The following SNX24 variants were observed in gnomAD, a reference collection of about 807,000 sequenced individuals.
SNX24 encodes sorting nexin 24, also known as sorting nexin-24.
A neutral mutation model predicts 28.7 loss-of-function variants in SNX24; 22 were observed. The observed-to-expected ratio is 0.77, with a 90% CI of 0.55 to 1.10. The LOEUF is 1.10. Among genes scored for constraint, SNX24 ranks in the 50% least tolerant of loss-of-function variants. The pLI, the probability that SNX24 is intolerant of heterozygous loss-of-function variation, is 0.00. For missense variants in SNX24, 221 were observed against 201.1 expected (o/e 1.10, Z -0.60); for synonymous variants, 69 against 71.5 (o/e 0.96, Z 0.18).
rs1762806472 is a variant in SNX24, at chr5:123,023,867, C to T, written n.384-5371C>T. 1.2e-6 allele frequency: 2 copies of T among 1,611,310 alleles called. 1 individual carries two copies. The highest frequency in any genetic ancestry group is 2.2e-5 in the South Asian group (2 of 90,976). ...GCCAAAGCATATCCTTGTTTTCTGC[C>T]AGTTGTGTCACCAATCAGCGATCTC... On this transcript the variant is annotated intron_variant and non_coding_transcript_variant, in intron 5 of 5. Coordinates refer to the SNX24 transcript ENST00000502387.
chr5:123,027,587 G>A (rs955763130), intron 5 of SNX24, among the ~76,000 whole-genome samples: 5 of 152,158 alleles, frequency 3.3e-5, no homozygotes, highest in Non-Finnish European at 1.5e-5. Flanking sequence ...CTCCACTCCA[G>A]TCTACATCCC....
intron 2 of SNX24, among the ~76,000 whole-genome samples, chr5:122,940,084 C>G (rs1759373881): frequency 6.6e-6 from 1 of 151,978 alleles, no homozygotes; most frequent in South Asian, 2.1e-4. Flanking sequence ...ACCTCCACCT[C>G]CCAGGTTCAA....
At chr5:122,884,241 G>GTTTCTT (rs1267508868) in intron 1 of SNX24, among the ~76,000 whole-genome samples, 2 of 88,696 alleles carry the variant, frequency 2.3e-5, no homozygotes, top group African/African-American at 9.3e-5. Context: ...ACCCTCAATT[G>GTTTCTT]TTTCTTTTTC....
intron 2 of SNX24, among the ~76,000 whole-genome samples, chr5:122,943,295 C>G (rs886288487): frequency 6.6e-6 from 1 of 152,142 alleles, no homozygotes; most frequent in African/African-American, 2.4e-5. Context: ...CCATGCTTCC[C>G]TCCTGTGCTC....
rs552436795 is a variant in SNX24, at chr5:122,845,677, T to C, written c.44T>C (p.Leu15Pro). The C allele has an allele frequency of 2.1e-6, 3 of 1,422,602 alleles. No homozygotes were observed. Among genetic ancestry groups the C allele is most frequent in the Non-Finnish European group, 2.8e-6 (3 of 1,079,054 alleles). The allele number at this position is 1,422,602 out of a possible 1,614,324, so 88.1% of individuals were successfully genotyped here. A position where few individuals can be genotyped will look rare whatever the true frequency, so the allele number is the denominator to read the frequency against. Residue 15 changes from leucine to proline, a missense_variant, in exon 1 of 7, where the codon CTG (leucine) becomes CCG (proline). Leu to Pro is a moderately conservative substitution (Grantham distance 98). Coordinates refer to ENST00000261369, the MANE Select transcript of SNX24 (RefSeq NM_014035.4). The part of the protein sequence containing the change: ...IPSFRYEESD[L>P]ERGYTVFKIE... ...TCCTTTCGCTATGAAGAGAGCGACC[T>C]GGAGCGGGGATACACGGTAGGCGCG...
In SNX24 at chr5:122,883,988, A is replaced by C. The variant is rs143030737; in HGVS notation, c.60+38295A>C. On this transcript the variant is annotated intron_variant, in intron 1 of 6. Transcript: ENST00000261369. The stretch of plus-strand genomic sequence containing the variant: ...GACTGTTAAATTAGAACTTTGCTTG[A>C]GTGGATTGGTGACTATTTTCTGTGA... Among the ~76,000 whole-genome samples the C allele has an allele frequency of 2.2e-3, 330 of 152,250 alleles. 1 individual carries two copies. The highest frequency in any genetic ancestry group is 7.7e-3 in the African/African-American group (321 of 41,548).
chr5:122,884,000 A>G (rs975962383), intron 1 of SNX24, among the ~76,000 whole-genome samples: 3 of 152,152 alleles, frequency 2.0e-5, no homozygotes, highest in African/African-American at 7.2e-5. Flanking sequence ...TGGATTGGTG[A>G]CTATTTTCTG....
At chr5:123,016,039 A>C (rs182082504) in intron 5 of SNX24, among the ~76,000 whole-genome samples, 1 of 152,220 alleles carries the variant, frequency 6.6e-6, no homozygotes, top group Non-Finnish European at 1.5e-5. Context: ...ACTTTTCTTC[A>C]TCACAGCAGG....
intron 1 of SNX24, among the ~76,000 whole-genome samples, chr5:122,882,949 C>A (rs895094856): frequency 5.3e-5 from 8 of 151,920 alleles, no homozygotes; most frequent in Admixed American, 4.6e-4. Context: ...TTGGAGAAAG[C>A]TGGGCAGGGA....
At chr5:122,907,342 G>T (rs1321058075) in intron 1 of SNX24, among the ~76,000 whole-genome samples, 1 of 152,112 alleles carries the variant, frequency 6.6e-6, no homozygotes, top group Non-Finnish European at 1.5e-5. Flanking sequence ...ATGCAGATGG[G>T]GCCAAGTTGT....
intron 1 of SNX24, among the ~76,000 whole-genome samples, chr5:122,929,355 G>T (rs886097289): frequency 6.6e-6 from 1 of 152,046 alleles, no homozygotes; most frequent in African/African-American, 2.4e-5. Flanking sequence ...AGCAAATTTT[G>T]CCCTCTCTTA....
intron 3 of SNX24, among the ~76,000 whole-genome samples, chr5:122,996,505 G>T (rs1422452617): frequency 6.6e-6 from 1 of 152,154 alleles, no homozygotes. Flanking sequence ...AATATAGAGG[G>T]CCAAGAAGCT....
chr5:122,901,491 A>G (rs992050058), intron 1 of SNX24, among the ~76,000 whole-genome samples: 12 of 152,226 alleles, frequency 7.9e-5, no homozygotes, highest in African/African-American at 2.9e-4. Flanking sequence ...CTAGGAATTT[A>G]GGAACGATCA....
chr5:122,904,735 C>T (rs969360176), intron 1 of SNX24, among the ~76,000 whole-genome samples: 2 of 151,990 alleles, frequency 1.3e-5, no homozygotes, highest in Admixed American at 6.6e-5. Flanking sequence ...TAACTGTGAC[C>T]GAAGGAACAT....
intron 3 of SNX24, among the ~76,000 whole-genome samples, chr5:122,979,210 A>C (rs746009977): frequency 2.0e-5 from 3 of 152,232 alleles, no homozygotes; most frequent in Non-Finnish European, 4.4e-5. Context: ...GTTGTTTTGC[A>C]TATTTTATTG....
At chr5:122,916,946 C>T (rs1299690499) in intron 1 of SNX24, among the ~76,000 whole-genome samples, 3 of 152,170 alleles carry the variant, frequency 2.0e-5, no homozygotes, top group African/African-American at 7.2e-5. Context: ...AACCTCACTA[C>T]ATTCCTTCTA....
At chr5:122,925,513 T>G (rs953328683) in intron 1 of SNX24, among the ~76,000 whole-genome samples, 1 of 151,942 alleles carries the variant, frequency 6.6e-6, no homozygotes, top group African/African-American at 2.4e-5. Context: ...ATCCTCCTGC[T>G]TTGGCCTCCC....
intron 5 of SNX24, among the ~76,000 whole-genome samples, chr5:123,020,757 A>C (rs1024912213): frequency 4.2e-5 from 2 of 47,512 alleles, no homozygotes; most frequent in African/African-American, 1.7e-4. Flanking sequence ...CACAGCAGCT[A>C]AATGATGTTT....
chr5:122,925,787 T>C (rs186440113), intron 1 of SNX24, among the ~76,000 whole-genome samples: 1 of 152,362 alleles, frequency 6.6e-6, no homozygotes, highest in African/African-American at 2.4e-5. Flanking sequence ...TGTCCAGCTG[T>C]CAATTACCTG....
Sources: gnomAD v4.1 joint callset for allele counts (sites outside exome capture counted in the v4.1 genomes callset) on GRCh38, gnomAD v4.1.1 for gene constraint, MANE v1.5 for transcripts, NCBI Gene and HGNC (gene_info 2026-07-23, HGNC 2026-07-21) for gene names.